CACNG7: variants seen among roughly 807,000 people sequenced by gnomAD.
CACNG7 encodes the protein calcium voltage-gated channel auxiliary subunit gamma 7, also known as voltage-dependent calcium channel gamma-7 subunit.
In CACNG7, 9 loss-of-function variants were observed where a neutral mutation model predicts 26.3. That is an observed-to-expected ratio of 0.34 (90% confidence interval 0.21 to 0.60). CACNG7 has a LOEUF of 0.60. Among genes scored for constraint, CACNG7 ranks in the 20% least tolerant of loss-of-function variants. The pLI is 0.81. For missense variants in CACNG7, 297 were observed against 380.4 expected, an observed-to-expected ratio of 0.78 and a Z score of 1.82; for synonymous variants, 170 against 157.0, an observed-to-expected ratio of 1.08 and a Z score of -0.62.
chr19:53,911,846 G>A (rs1305804668), intron 1 of CACNG7, among the ~76,000 whole-genome samples: 1 of 152,168 alleles, frequency 6.6e-6, no homozygotes, highest in Admixed American at 6.5e-5. Flanking sequence ...AGAAGGTCAT[G>A]GGTCAAGTTC....
chr19:53,923,221 A>G (rs868421489), intron 4 of CACNG7, among the ~76,000 whole-genome samples: 974 of 47,678 alleles, frequency 0.02, 75 homozygotes, highest in Non-Finnish European at 0.026. Flanking sequence ...TCATTGGTGG[A>G]GTTGCCCCAG....
chr19:53,925,992 C>G (rs1185450366), intron 4 of CACNG7, among the ~76,000 whole-genome samples: 1 of 152,148 alleles, frequency 6.6e-6, no homozygotes, highest in Non-Finnish European at 1.5e-5. Context: ...CCCACATTAG[C>G]CCCTGATCAT....
chr19:53,936,648 G>A (rs1218330273), intron 4 of CACNG7, among the ~76,000 whole-genome samples: 3 of 151,858 alleles, frequency 2.0e-5, no homozygotes, highest in Non-Finnish European at 4.4e-5. Flanking sequence ...TCACTCTGTC[G>A]CCCAGGCTGG....
rs1456117793 is a variant in CACNG7 at position 53,943,263 on chromosome 19, C to T, written c.*970C>T. 1 of 152,084 alleles carries T rather than the reference C, an allele frequency of 6.6e-6. No individual in the cohort carries two copies. The highest frequency in any genetic ancestry group is 2.4e-5 in the African/African-American group (1 of 41,392). The allele number at this position is 152,084 out of a possible 1,614,324, so 9.4% of individuals were successfully genotyped here. A position where few individuals can be genotyped will look rare whatever the true frequency, so the allele number is the denominator to read the frequency against. ...GGGGCAGTAGCGGGGGTCGACACCCCCCCCAAACCTCTAAGTCTTCCATTT... is the reference window on the plus strand; with the variant it reads ...GGGGCAGTAGCGGGGGTCGACACCCTCCCCAAACCTCTAAGTCTTCCATTT... On this transcript the variant is annotated 3_prime_UTR_variant, in exon 6 of 6. Coordinates refer to ENST00000391767, the MANE Select transcript of CACNG7 (RefSeq NM_031896.5).
rs767093695 is a variant in CACNG7 at position 53,913,002 on chromosome 19, C to T, written c.171C>T (p.Gly57=). 6 of 1,612,404 alleles carry T rather than the reference C, an allele frequency of 3.7e-6. No homozygotes were observed. Among genetic ancestry groups the T allele is most frequent in the Non-Finnish European group, 5.1e-6 (6 of 1,178,740 alleles). ...AGGTCAAGATGGCCCTGCACGCCGG[C>T]CTCTGGCGAGTCTGCTTCTTTGCAG... ...TTEVKMALHA[G]LWRVCFFAGR... is the part of the protein sequence containing the mutation. Residue 57 remains glycine (G), a synonymous_variant, in exon 2 of 6, where the codon GGC becomes GGT. Transcript: ENST00000391767.
At chr19:53,917,450 A>C (rs573441412) in intron 4 of CACNG7, among the ~76,000 whole-genome samples, 2 of 152,180 alleles carry the variant, frequency 1.3e-5, no homozygotes, top group African/African-American at 4.8e-5. Context: ...AGCAACTAAG[A>C]TCCAAAGCAC....
intron 4 of CACNG7, among the ~76,000 whole-genome samples, chr19:53,934,354 G>T (rs965605380): frequency 6.6e-6 from 1 of 152,214 alleles, no homozygotes; most frequent in African/African-American, 2.4e-5. Context: ...TGCATACTTT[G>T]TATCACGTTA....
Position 53,912,907 on chromosome 19 carries a change from A to G in CACNG7, c.76A>G (p.Ile26Val), listed in dbSNP as rs1202330422. ...TGCGTGTGGCCTGCTCCTGGTAGGCATCGCGGTCAGCACTGACTACTGGCT... is the reference window on the plus strand; with the variant it reads ...TGCGTGTGGCCTGCTCCTGGTAGGCGTCGCGGTCAGCACTGACTACTGGCT... ...FGACGLLLVG[I>V]AVSTDYWLYM... The change falls in exon 2 of 6, where the codon ATC becomes GTC. Residue 26 changes from isoleucine (I) to valine (V), a missense_variant. Coordinates refer to ENST00000391767, the MANE Select transcript of CACNG7 (RefSeq NM_031896.5). The surrounding 1 kb of genome is among the most constrained non-coding windows in gnomAD (Gnocchi z 4.6). 1.2e-6 allele frequency: 2 copies of G among 1,613,980 alleles called. No individual in the cohort carries two copies. Among genetic ancestry groups the G allele is most frequent in the Non-Finnish European group, 1.7e-6 (2 of 1,180,030 alleles).
intron 4 of CACNG7, among the ~76,000 whole-genome samples, chr19:53,923,662 G>C (rs2068988627): frequency 6.9e-6 from 1 of 143,930 alleles, no homozygotes; most frequent in South Asian, 2.3e-4. Context: ...GTTGCCCCAG[G>C]TCTGGTCATT....
intron 4 of CACNG7, among the ~76,000 whole-genome samples, chr19:53,934,827 G>GAA (rs111319333): frequency 3.8e-4 from 55 of 145,756 alleles, no homozygotes; most frequent in African/African-American, 1.4e-3. Flanking sequence ...TTAGCATTTT[G>GAA]AAAAAAAAAA....
intron 4 of CACNG7, among the ~76,000 whole-genome samples, chr19:53,921,708 T>TGGACTTGCCCCAGGTCTGGTCATTGGG (rs2068955688): frequency 1.0e-5 from 1 of 100,484 alleles, no homozygotes; most frequent in Non-Finnish European, 1.8e-5. Flanking sequence ...TGGTCATTGG[T>TGGACTTGCCCCAGGTCTGGTCATTGGG]GGAGCTGTCC....
At chr19:53,929,758 A>G (rs1204761307) in intron 4 of CACNG7, among the ~76,000 whole-genome samples, 1 of 152,058 alleles carries the variant, frequency 6.6e-6, no homozygotes, top group African/African-American at 2.4e-5. Context: ...TCACTCCCTT[A>G]CTGCGTCTCA....
chr19:53,933,048 C>T (rs535256495), intron 4 of CACNG7, among the ~76,000 whole-genome samples: 116 of 152,030 alleles, frequency 7.6e-4, no homozygotes, highest in Admixed American at 6.2e-3. Flanking sequence ...TCAGGTGATC[C>T]GCCCGCATTG....
At chr19:53,913,418 T>C (rs2068873236) in intron 2 of CACNG7, among the ~76,000 whole-genome samples, 2 of 151,938 alleles carry the variant, frequency 1.3e-5, no homozygotes, top group Non-Finnish European at 2.9e-5. Context: ...GCTCAGGAGT[T>C]TGAGACCAGC....
In CACNG7 at chr19:53,921,786, G is replaced by C. The variant is rs1475714148; in HGVS notation, c.424+6281G>C. Among the ~76,000 whole-genome samples, 10 of 102,200 alleles carry C rather than the reference G, an allele frequency of 9.8e-5. 1 individual carries two copies. Among genetic ancestry groups the C allele is most frequent in the Non-Finnish European group, 1.9e-4 (10 of 52,862 alleles). The allele number at this position is 102,200 out of a possible 152,430, so 67.0% of individuals were successfully genotyped here. The stretch of plus-strand genomic sequence containing the variant: ...GGAGTTGTCCCAGGTCTGGTCATTG[G>C]TGGAGTTGTCCCCAGGTCTGGTCAT... On this transcript the variant is annotated intron_variant, in intron 4 of 5. Transcript: ENST00000391767.
intron 4 of CACNG7, among the ~76,000 whole-genome samples, chr19:53,924,078 A>C (rs567287219): frequency 1.6e-5 from 2 of 121,514 alleles, no homozygotes; most frequent in South Asian, 5.4e-4. Flanking sequence ...AGGTCTGGTC[A>C]TTGGTGGAGT....
intron 4 of CACNG7, among the ~76,000 whole-genome samples, chr19:53,934,608 T>TAAA (rs750263689): frequency 7.0e-6 from 1 of 143,156 alleles, no homozygotes; most frequent in African/African-American, 2.6e-5. Context: ...CCCTGTCTCT[T>TAAA]AAAAAAAAAA....
At chr19:53,935,703 G>A (rs563404524) in intron 4 of CACNG7, among the ~76,000 whole-genome samples, 3 of 140,912 alleles carry the variant, frequency 2.1e-5, no homozygotes, top group South Asian at 2.3e-4. Flanking sequence ...GCAATGGCGC[G>A]ATCTCGGCTC....
chr19:53,933,619 G>GT (rs765083098), intron 4 of CACNG7, among the ~76,000 whole-genome samples: 229 of 151,174 alleles, frequency 1.5e-3, no homozygotes, highest in Middle Eastern at 3.4e-3. Flanking sequence ...GTGTTTTCTT[G>GT]TAAGCCAAGA....
Sources: allele counts gnomAD v4.1 joint callset (sites outside exome capture counted in the v4.1 genomes callset), GRCh38; gene constraint gnomAD v4.1.1; non-coding constraint Gnocchi (gnomAD v3.1); transcripts MANE v1.5; gene names NCBI Gene and HGNC (gene_info 2026-07-23, HGNC 2026-07-21).